Variants in ZNF615 observed in about 807,000 individuals in gnomAD.
ZNF615 encodes zinc finger protein 615.
In ZNF615, 15 loss-of-function variants were observed where a neutral mutation model predicts 15.3. That is an observed-to-expected ratio of 0.98 (90% CI 0.66 to 1.51). The LOEUF is 1.51. Among genes scored for constraint, ZNF615 ranks in the 40% most tolerant of loss-of-function variants. The pLI is 0.00. For missense variants in ZNF615, 848 were observed against 895.9 expected (o/e 0.95, Z 0.68); for synonymous variants, 268 against 294.6 (o/e 0.91, Z 0.92).
chr19:52,000,196 G>A, intron 6 of ZNF615, 150 bp downstream of exon 6: 1 of 414,000 alleles, frequency 2.4e-6, no homozygotes, highest in Non-Finnish European at 4.3e-6. Context: ...CATCAAGACA[G>A]GAACAATAGA....
intron 2 of ZNF615, among the ~76,000 whole-genome samples, chr19:52,006,075 G>A (rs1446461500): frequency 6.6e-6 from 1 of 152,114 alleles, no homozygotes; most frequent in African/African-American, 2.4e-5. Context: ...TTTCTTAAAA[G>A]GTAATATTGG....
At chr19:52,002,696 G>A (rs1388641804) in intron 3 of ZNF615, among the ~76,000 whole-genome samples, 1 of 152,042 alleles carries the variant, frequency 6.6e-6, no homozygotes, top group African/African-American at 2.4e-5. Context: ...ACAAGACAAT[G>A]CATTCTAAAT....
In ZNF615 at chr19:51,994,048, G is replaced by C. The variant is rs753551824; in HGVS notation, c.1061C>G (p.Pro354Arg). The C allele has an allele frequency of 6.2e-7, 1 of 1,614,040 alleles. No individual in the cohort carries two copies. The highest frequency in any genetic ancestry group is 1.1e-5 in the South Asian group (1 of 91,072). Reference protein sequence around the residue: ...THQKTHTGEKPYICSECGKGF... With the variant: ...THQKTHTGEKRYICSECGKGF... The stretch of plus-strand genomic sequence containing the variant: ...TTTTCCACATTCACTACATATATAA[G>C]GTTTTTCTCCTGTATGAGTTTTCTG... The change falls in exon 7 of 7, where the codon CCT becomes CGT. Residue 354 changes from proline (P) to arginine (R), a missense_variant. Pro to Arg is a moderately radical substitution (Grantham distance 103). Transcript: ENST00000598071.
intron 4 of ZNF615, 51 bp from the exon 5 acceptor site, chr19:52,001,959 A>G (rs1428584964): frequency 5.6e-6 from 9 of 1,606,954 alleles, no homozygotes; most frequent in Non-Finnish European, 7.7e-6. Context: ...GGGGCTGGCA[A>G]TATTGAAAAA....
chr19:51,993,700 G>A lies in ZNF615; in HGVS notation c.1409C>T (p.Thr470Ile). 1.2e-6 allele frequency: 2 copies of A among 1,612,050 alleles called. No homozygotes were observed. The highest frequency in any genetic ancestry group is 2.2e-5 in the East Asian group (1 of 44,666). The change falls in exon 7 of 7, where the codon ACC (threonine) becomes ATC (isoleucine). Residue 470 changes from threonine to isoleucine, a missense_variant. Physicochemically the swap from Thr to Ile is moderately conservative, Grantham distance 89. Transcript: ENST00000598071. ...CATGGTGAAACCTTTTCGACATTCG[G>A]TGCATACATAGGGTTTCTCTCCAGT... ...THTGEKPYVCTECRKGFTMKS... is the reference protein window; with the variant it reads ...THTGEKPYVCIECRKGFTMKS...
At position 52,001,857 on chromosome 19, in the gene ZNF615, T is replaced by C. The variant is rs780423059; in HGVS notation, c.194A>G (p.Glu65Gly). 6.2e-7 allele frequency: 1 copy of C among 1,614,140 alleles called. No homozygotes were observed. The highest frequency in any genetic ancestry group is 2.2e-5 in the East Asian group (1 of 44,870). ...DALSKLERGE[E>G]TCTTEDEIYS... ...GATTTCATCTTCTGTTGTGCAAGTT[T>C]CTTCTCCTCGTTCCAATTTGGAGAG... The change falls in exon 5 of 7, where the codon GAA becomes GGA. Residue 65 changes from glutamate (E) to glycine (G), a missense_variant. Physicochemically the swap from Glu to Gly is moderately conservative, Grantham distance 98 (BLOSUM62 -2). Coordinates refer to ENST00000598071, the MANE Select transcript of ZNF615 (RefSeq NM_001199324.2).
Position 51,992,923 on chromosome 19 carries a change from G to T in ZNF615, c.2186C>A (p.Ala729Glu). The stretch of plus-strand genomic sequence containing the variant: ...GTGTTTAACAAGGATAGACAAGTGC[G>T]CAAAAGCTTTCCCACAATCACTACA... ...YGCSDCGKAF[A>E]HLSILVKHRR... The change falls in exon 7 of 7, where the codon GCG becomes GAG. Residue 729 changes from alanine (A) to glutamate (E), a missense_variant. Ala to Glu is a moderately radical substitution (Grantham distance 107). Transcript: ENST00000598071. The T allele has an allele frequency of 6.2e-7, 1 of 1,614,118 alleles. No homozygotes were observed. Among genetic ancestry groups the T allele is most frequent in the Non-Finnish European group, 8.5e-7 (1 of 1,180,022 alleles).
chr19:52,000,755 C>G (rs1368439919), intron 5 of ZNF615, among the ~76,000 whole-genome samples: 1 of 151,978 alleles, frequency 6.6e-6, no homozygotes, highest in Non-Finnish European at 1.5e-5. Flanking sequence ...GAGTTCAAGA[C>G]CAGCCTAGGC....
At position 51,992,602 on chromosome 19, in the gene ZNF615, A is replaced by G. The variant is rs769597279; in HGVS notation, c.*278T>C. On this transcript the variant is annotated 3_prime_UTR_variant, in exon 7 of 7. Coordinates refer to ENST00000598071, the MANE Select transcript of ZNF615 (RefSeq NM_001199324.2). ...TATAATTATTACATTTCCACGAATT[A>G]GTAGTTTATTCATGATCTATGATCA... The G allele has an allele frequency of 3.0e-6, 1 of 331,928 alleles. No individual in the cohort carries two copies. Among genetic ancestry groups the G allele is most frequent in the Non-Finnish European group, 5.5e-6 (1 of 182,682 alleles). The allele number at this position is 331,928 out of a possible 1,614,324, so 20.6% of individuals were successfully genotyped here. A position where few individuals can be genotyped will look rare whatever the true frequency, so the allele number is the denominator to read the frequency against.
intron 6 of ZNF615, among the ~76,000 whole-genome samples, chr19:51,997,407 C>T (rs2086470439): frequency 1.3e-5 from 2 of 152,176 alleles, no homozygotes; most frequent in East Asian, 1.9e-4. Context: ...ACTTGCTATT[C>T]TTCTTCATTC....
At chr19:52,001,526 G>A (rs1441917465) in intron 5 of ZNF615, among the ~76,000 whole-genome samples, 1 of 151,062 alleles carries the variant, frequency 6.6e-6, no homozygotes, top group African/African-American at 2.4e-5. Flanking sequence ...GCTGAGGCAG[G>A]AGAATCCCTT....
rs755722020 is a variant in ZNF615, at chr19:51,993,980, G to A, written c.1129C>T (p.His377Tyr). ...KRRLTAHHRT[H>Y]TGEKPFICNK... ...CATATAAAGGGTTTCTCACCAGTAT[G>A]AGTTCGATGATGTGCAGTAAGACGC... Residue 377 changes from histidine (H) to tyrosine (Y), a missense_variant, in exon 7 of 7, where the codon CAT becomes TAT. Coordinates refer to ENST00000598071, the MANE Select transcript of ZNF615 (RefSeq NM_001199324.2). 6 of 1,612,084 alleles carry A rather than the reference G, an allele frequency of 3.7e-6. No individual in the cohort carries two copies.
At chr19:51,999,515 T>C (rs1029727737) in intron 6 of ZNF615, among the ~76,000 whole-genome samples, 8 of 152,234 alleles carry the variant, frequency 5.3e-5, no homozygotes, top group African/African-American at 1.9e-4. Context: ...ATACATAGTA[T>C]ATGTTCCAAA....
intron 3 of ZNF615, among the ~76,000 whole-genome samples, chr19:52,003,161 A>G (rs902371665): frequency 6.6e-6 from 1 of 152,072 alleles, no homozygotes. Context: ...AAATCCTTAG[A>G]ATATATATGC....
At chr19:51,999,539 T>C (rs889856531) in intron 6 of ZNF615, among the ~76,000 whole-genome samples, 1 of 152,230 alleles carries the variant, frequency 6.6e-6, no homozygotes, top group African/African-American at 2.4e-5. Flanking sequence ...GATTGTGGTA[T>C]GGTTACACAA....
intron 6 of ZNF615, among the ~76,000 whole-genome samples, chr19:51,995,184 C>A (rs1162436869): frequency 2.0e-5 from 3 of 152,096 alleles, no homozygotes; most frequent in Non-Finnish European, 4.4e-5. Flanking sequence ...GTGTAAGATT[C>A]CTTTTATCTC....
At chr19:51,997,936 C>T (rs931359436) in intron 6 of ZNF615, among the ~76,000 whole-genome samples, 1 of 151,088 alleles carries the variant, frequency 6.6e-6, no homozygotes, top group Admixed American at 6.6e-5. Flanking sequence ...AAAGCTTGCA[C>T]CCAGTTTCTC....
In ZNF615 at chr19:51,991,551, G is replaced by A. The variant is rs1187714422; in HGVS notation, c.*1329C>T. On this transcript the variant is annotated 3_prime_UTR_variant, in exon 7 of 7. Coordinates refer to ENST00000598071, the MANE Select transcript of ZNF615 (RefSeq NM_001199324.2). ...AGCCAATACCAAAAGGGTACATGCT[G>A]TATGATTCCATTTTTATAACATGCT... The A allele has an allele frequency of 3.3e-5, 5 of 152,210 alleles. No homozygotes were observed. Among genetic ancestry groups the A allele is most frequent in the Non-Finnish European group, 7.3e-5 (5 of 68,040 alleles). 9.4% of individuals were successfully genotyped at this position (152,210 alleles called of 1,614,324 possible).
chr19:51,993,582 G>T lies in ZNF615; in HGVS notation c.1527C>A (p.Arg509=), dbSNP rs1214751202. 1 of 1,612,602 alleles carries T rather than the reference G, an allele frequency of 6.2e-7. No individual in the cohort carries two copies. Among genetic ancestry groups the T allele is most frequent in the Admixed American group, 1.7e-5 (1 of 59,866 alleles). The change falls in exon 7 of 7, where the codon CGC becomes CGA. Residue 509 remains arginine (R), a synonymous_variant. Coordinates refer to ENST00000598071, the MANE Select transcript of ZNF615 (RefSeq NM_001199324.2). The part of the protein sequence containing the change: ...DCGKGFTVKS[R]LIVHQRTHTG... ...TATGAGTTCGCTGATGCACAATAAG[G>T]CGGCTCTTCACAGTGAAGCCTTTTC... is the stretch of plus-strand genomic sequence containing the variant.
Sources: gnomAD v4.1 joint callset for allele counts (sites outside exome capture counted in the v4.1 genomes callset) on GRCh38, gnomAD v4.1.1 for gene constraint, MANE v1.5 for transcripts, NCBI Gene and HGNC (gene_info 2026-07-23, HGNC 2026-07-21) for gene names.